Variants in DPP10 observed in about 807,000 individuals in gnomAD.
The protein encoded by DPP10 is inactive dipeptidyl peptidase 10.
DPP10 carries 33 observed loss-of-function variants against 120.9 expected under a neutral mutation model. The ratio of observed to expected loss-of-function variants is 0.27; its 90% confidence interval spans 0.21 to 0.37. DPP10 has a LOEUF of 0.37. Among genes scored for constraint, DPP10 ranks in the 10% least tolerant of loss-of-function variants. The probability of loss-of-function intolerance (pLI) is 1.00; values close to 1 mark genes in which losing one functional copy is unlikely to be tolerated. For synonymous variants in DPP10, 337 were observed against 326.1 expected (o/e 1.03, Z -0.36); for missense variants, 816 against 942.8 (o/e 0.87, Z 1.76).
intron 3 of DPP10, among the ~76,000 whole-genome samples, chr2:115,393,775 G>C (rs998724920): frequency 9.2e-5 from 14 of 152,180 alleles, no homozygotes; most frequent in African/African-American, 3.4e-4. Flanking sequence ...GATCTGTCTA[G>C]GGTGGTTTCT....
intron 5 of DPP10, among the ~76,000 whole-genome samples, chr2:115,544,489 CA>C (rs1341486339): frequency 6.6e-6 from 1 of 152,012 alleles, no homozygotes; most frequent in Non-Finnish European, 1.5e-5. Context: ...GAAATATGAG[CA>C]ACCTGGTCAA....
chr2:114,500,016 C>T (rs981796029), intron 1 of DPP10, among the ~76,000 whole-genome samples: 3 of 152,174 alleles, frequency 2.0e-5, no homozygotes, highest in Non-Finnish European at 4.4e-5. Flanking sequence ...CTCACTGGCC[C>T]CTCTCCTTTC....
At chr2:115,798,471 T>C (rs1441564547) in intron 19 of DPP10, among the ~76,000 whole-genome samples, 1 of 152,066 alleles carries the variant, frequency 6.6e-6, no homozygotes, top group Admixed American at 6.6e-5. Context: ...TTTTAAATAA[T>C]ATATTCTTTC....
intron 3 of DPP10, among the ~76,000 whole-genome samples, chr2:115,473,190 A>G (rs566342984): frequency 6.6e-6 from 1 of 152,340 alleles, no homozygotes; most frequent in Admixed American, 6.5e-5. Context: ...TGGTAAAATT[A>G]TGAATGGGAT....
At chr2:115,739,477 G>A (rs1316820534) in intron 8 of DPP10, among the ~76,000 whole-genome samples, 2 of 151,968 alleles carry the variant, frequency 1.3e-5, no homozygotes, top group Non-Finnish European at 2.9e-5. Context: ...CTCCAGTAGT[G>A]CTTTCATCTG....
chr2:114,591,701 TG>T (rs1169238714), intron 1 of DPP10, among the ~76,000 whole-genome samples: 1 of 151,884 alleles, frequency 6.6e-6, no homozygotes, highest in Non-Finnish European at 1.5e-5. Flanking sequence ...ATTACAGGTG[TG>T]TGCCAACACG....
In DPP10 at chr2:115,132,487, T is replaced by C. The variant is rs150652928; in HGVS notation, c.61-176752T>C. ...ATATTTTATGGTAAAATATTTTATT[T>C]CCTTCGGGATGTGCTTTCTGTCATT... On this transcript the variant is annotated intron_variant, in intron 1 of 25. Coordinates refer to ENST00000410059, the MANE Select transcript of DPP10 (RefSeq NM_020868.6). Among the ~76,000 whole-genome samples the C allele has an allele frequency of 5.8e-3, 885 of 152,318 alleles. 1 individual carries two copies. The highest frequency in any genetic ancestry group is 9.1e-3 in the Non-Finnish European group (619 of 68,026).
chr2:115,683,112 T>C (rs927003892), intron 5 of DPP10, among the ~76,000 whole-genome samples: 2 of 152,038 alleles, frequency 1.3e-5, no homozygotes, highest in African/African-American at 4.8e-5. Flanking sequence ...TACAGCCTAA[T>C]TAACACCTAT....
At chr2:115,273,446 C>G (rs780804001) in intron 1 of DPP10, among the ~76,000 whole-genome samples, 1 of 152,168 alleles carries the variant, frequency 6.6e-6, no homozygotes, top group Non-Finnish European at 1.5e-5. Flanking sequence ...ACACTATTCT[C>G]CTGCCTCAGC....
intron 5 of DPP10, among the ~76,000 whole-genome samples, chr2:115,660,655 C>CTTTTTTTTTTTTTTTTTTTTTTTTCTTT: frequency 7.9e-5 from 2 of 25,314 alleles, no homozygotes; most frequent in East Asian, 2.4e-3. Flanking sequence ...CTCTGTCTGG[C>CTTTTTTTTTTTTTTTTTTTTTTTTCTTT]TTTTTTTTTT....
At chr2:114,973,758 G>A (rs1699560699) in intron 1 of DPP10, among the ~76,000 whole-genome samples, 1 of 151,322 alleles carries the variant, frequency 6.6e-6, no homozygotes. Context: ...GGAGATGACA[G>A]CTCCATGCAC....
chr2:114,974,542 C>T (rs974557823), intron 1 of DPP10, among the ~76,000 whole-genome samples: 6 of 151,754 alleles, frequency 4.0e-5, no homozygotes, highest in Admixed American at 2.0e-4. Flanking sequence ...CTCAGCCTCC[C>T]GAGTAGCTGG....
At chr2:115,590,826 C>T (rs1254797628) in intron 5 of DPP10, among the ~76,000 whole-genome samples, 1 of 152,124 alleles carries the variant, frequency 6.6e-6, no homozygotes, top group Non-Finnish European at 1.5e-5. Context: ...CTCTCCAGCA[C>T]CTGTTGTTTC....
In DPP10 at chr2:114,881,457, G is replaced by GTCTGTCTATCTATCTATCTA. The variant is rs140898800; in HGVS notation, c.61-427779_61-427778insGTCTATCTATCTATCTATCT. On this transcript the variant is annotated intron_variant, in intron 1 of 25. Coordinates refer to ENST00000410059, the MANE Select transcript of DPP10 (RefSeq NM_020868.6). ...TCTTTACCTATCTGTCTGTCTGTCT[G>GTCTGTCTATCTATCTATCTA]TCTATCTATCTATCTATCTATCTAT... Among the ~76,000 whole-genome samples the GTCTGTCTATCTATCTATCTA allele has an allele frequency of 9.7e-4, 140 of 144,336 alleles. 1 individual carries two copies. Among genetic ancestry groups the GTCTGTCTATCTATCTATCTA allele is most frequent in the South Asian group, 6.5e-3 (29 of 4,474 alleles). The allele number at this position is 144,336 out of a possible 152,430, so 94.7% of individuals were successfully genotyped here.
chr2:115,432,079 C>A (rs1007577693), intron 3 of DPP10, among the ~76,000 whole-genome samples: 1 of 151,996 alleles, frequency 6.6e-6, no homozygotes, highest in Non-Finnish European at 1.5e-5. Flanking sequence ...AAAAGCAAAC[C>A]AAACAGAATT....
intron 1 of DPP10, among the ~76,000 whole-genome samples, chr2:115,117,623 A>G (rs889877877): frequency 6.6e-6 from 1 of 152,124 alleles, no homozygotes; most frequent in East Asian, 1.9e-4. Context: ...AGAAAAATCA[A>G]AGTGTCTGTA....
chr2:114,940,300 C>T (rs1696796934), intron 1 of DPP10, among the ~76,000 whole-genome samples: 1 of 152,126 alleles, frequency 6.6e-6, no homozygotes, highest in African/African-American at 2.4e-5. Context: ...ACACACAACA[C>T]TTTGGATGGT....
At chr2:114,987,708 C>T (rs1002514860) in intron 1 of DPP10, among the ~76,000 whole-genome samples, 6 of 151,090 alleles carry the variant, frequency 4.0e-5, no homozygotes, top group South Asian at 2.1e-4. Context: ...CTATTCATTT[C>T]GCTCACGTGA....
intron 1 of DPP10, among the ~76,000 whole-genome samples, chr2:114,849,245 G>A (rs78582909): frequency 0.087 from 13,240 of 152,090 alleles, 693 homozygotes; most frequent in Non-Finnish European, 0.11. Flanking sequence ...CCAGCCCTTG[G>A]CCTCTCTAAA....
Sources: gnomAD v4.1 joint callset for allele counts (sites outside exome capture counted in the v4.1 genomes callset) on GRCh38, gnomAD v4.1.1 for gene constraint, MANE v1.5 for transcripts, NCBI Gene and HGNC (gene_info 2026-07-23, HGNC 2026-07-21) for gene names.